Variants in DPYD observed in about 807,000 individuals in gnomAD.
DPYD encodes the protein dihydropyrimidine dehydrogenase [NADP(+)].
Under a neutral mutation model 116.2 loss-of-function variants are expected in DPYD, and 109 were observed. That is an observed-to-expected ratio of 0.94 (90% CI 0.80 to 1.10). The LOEUF is 1.10. Among genes scored for constraint, DPYD ranks in the 50% least tolerant of loss-of-function variants. The pLI is 0.00. For missense variants in DPYD, 1,302 were observed against 1,254.5 expected (o/e 1.04, Z -0.57); for synonymous variants, 440 against 432.0 (o/e 1.02, Z -0.23).
Position 97,699,368 on chromosome 1 carries a change from T to C in DPYD, c.663A>G (p.Glu221=). The C allele has an allele frequency of 1.2e-6, 2 of 1,613,506 alleles. No individual in the cohort carries two copies. The highest frequency in any genetic ancestry group is 2.2e-5 in the South Asian group (2 of 91,076). The change falls in exon 6 of 23, where the codon GAA becomes GAG. Residue 221 remains glutamate (E), a synonymous_variant. Transcript: ENST00000370192. The part of the protein sequence containing the change: ...YSDITIFEKQ[E]YVGGLSTSEI... ...GGCATTACCTTAAACCACCAACATA[T>C]TCTTGTTTTTCAAATATAGTGATGT...
chr1:97,880,785 A>T (rs1310578525), intron 2 of DPYD, among the ~76,000 whole-genome samples: 1 of 152,020 alleles, frequency 6.6e-6, no homozygotes, highest in East Asian at 1.9e-4. Flanking sequence ...AAGTGTACAC[A>T]ATCACTATTG....
At chr1:97,747,025 T>G (rs1271810784) in intron 3 of DPYD, among the ~76,000 whole-genome samples, 1 of 151,886 alleles carries the variant, frequency 6.6e-6, no homozygotes, top group African/African-American at 2.4e-5. Flanking sequence ...GGTTGCAGCA[T>G]GAAGGAAAAG....
chr1:97,161,343 C>T (rs959171562), intron 20 of DPYD, among the ~76,000 whole-genome samples: 1 of 152,086 alleles, frequency 6.6e-6, no homozygotes, highest in Admixed American at 6.6e-5. Flanking sequence ...TGGGGCAATG[C>T]AACCCATCAT....
At chr1:97,661,940 A>T (rs1005484317) in intron 8 of DPYD, among the ~76,000 whole-genome samples, 3 of 151,506 alleles carry the variant, frequency 2.0e-5, no homozygotes, top group East Asian at 1.9e-4. Context: ...GTTTTATTTT[A>T]AAAAGTATAT....
chr1:97,849,583 A>T (rs1283428565), intron 2 of DPYD, among the ~76,000 whole-genome samples: 3 of 152,114 alleles, frequency 2.0e-5, no homozygotes, highest in East Asian at 3.9e-4. Flanking sequence ...AAACTGACAG[A>T]GCCTAGATGT....
chr1:97,913,138 G>A (rs1674047069), intron 1 of DPYD, among the ~76,000 whole-genome samples: 2 of 152,012 alleles, frequency 1.3e-5, no homozygotes, highest in South Asian at 4.2e-4. Flanking sequence ...GCCATATATA[G>A]TACGATTGAA....
intron 16 of DPYD, among the ~76,000 whole-genome samples, chr1:97,351,403 CA>C (rs1202220716): frequency 1.3e-5 from 2 of 151,680 alleles, no homozygotes; most frequent in Non-Finnish European, 2.9e-5. Flanking sequence ...TTAAAAGAAC[CA>C]ATGTTTCTTT....
rs1423397045 is a variant in DPYD at position 97,699,417 on chromosome 1, A to G, written c.614T>C (p.Phe205Ser). 6.2e-7 allele frequency: 1 copy of G among 1,613,776 alleles called. No homozygotes were observed. Among genetic ancestry groups the G allele is most frequent in the African/African-American group, 1.3e-5 (1 of 75,016 alleles). Residue 205 changes from phenylalanine (F) to serine (S), a missense_variant, in exon 6 of 23, where the codon TTT becomes TCT. Transcript: ENST00000370192. ...AGPASISCAS[F>S]LARLGYSDIT... The stretch of plus-strand genomic sequence containing the variant: ...GTCAGAGTACCCCAATCGAGCCAAA[A>G]AGGAAGCACAACTTATACTTGCAGG...
At chr1:97,673,482 T>G (rs754692037) in intron 8 of DPYD, among the ~76,000 whole-genome samples, 1 of 151,908 alleles carries the variant, frequency 6.6e-6, no homozygotes, top group African/African-American at 2.4e-5. Context: ...GTCAAAAGAG[T>G]TGCATTTTAA....
At chr1:97,262,702 A>G (rs900186044) in intron 18 of DPYD, among the ~76,000 whole-genome samples, 13 of 151,948 alleles carry the variant, frequency 8.6e-5, no homozygotes, top group Non-Finnish European at 1.5e-4. Context: ...AATTCTTCTT[A>G]TTTCTTTTTC....
chr1:97,202,379 G>C (rs1659268889), intron 19 of DPYD, among the ~76,000 whole-genome samples: 1 of 151,968 alleles, frequency 6.6e-6, no homozygotes, highest in South Asian at 2.1e-4. Flanking sequence ...CCTCCAATTA[G>C]GAAGGAACTT....
chr1:97,854,793 C>T (rs1015799904), intron 2 of DPYD, among the ~76,000 whole-genome samples: 4 of 152,118 alleles, frequency 2.6e-5, no homozygotes, highest in Admixed American at 2.6e-4. Flanking sequence ...AAAGAGGGTA[C>T]AGGGTCAGGA....
At chr1:97,661,165 T>G (rs775948436) in intron 8 of DPYD, among the ~76,000 whole-genome samples, 29 of 152,182 alleles carry the variant, frequency 1.9e-4, no homozygotes, top group Non-Finnish European at 2.4e-4. Context: ...AAATATATGC[T>G]CATTTGATTT....
Position 97,098,525 on chromosome 1 carries a change from G to A in DPYD, c.2730C>T (p.Asn910=). 6.2e-7 allele frequency: 1 copy of A among 1,613,062 alleles called. No individual in the cohort carries two copies. Residue 910 remains asparagine, a synonymous_variant, in exon 21 of 23, where the codon AAC becomes AAT. Transcript: ENST00000370192. ...QNVAFSPLKR[N]CFIPKRPIPT... is the part of the protein sequence containing the mutation. ...GAATAGGCCTTTTGGGGATAAAACA[G>A]TTTCTCTTAAGTGGTGAAAAAGCTA...
chr1:97,623,532 T>A (rs1656748695), intron 8 of DPYD, among the ~76,000 whole-genome samples: 1 of 152,046 alleles, frequency 6.6e-6, no homozygotes. Flanking sequence ...AAAGTCATAA[T>A]ATAATGAAAA....
chr1:97,650,788 G>A (rs987849567), intron 8 of DPYD, among the ~76,000 whole-genome samples: 2 of 151,656 alleles, frequency 1.3e-5, no homozygotes, highest in Non-Finnish European at 2.9e-5. Flanking sequence ...CAGTTTACTT[G>A]TTCCTTGAAA....
intron 4 of DPYD, among the ~76,000 whole-genome samples, chr1:97,732,428 T>C (rs1407368888): frequency 6.6e-6 from 1 of 150,880 alleles, no homozygotes; most frequent in Non-Finnish European, 1.5e-5. Context: ...TGAGCCGAGA[T>C]TGTGCCACTG....
intron 14 of DPYD, among the ~76,000 whole-genome samples, chr1:97,393,342 G>A (rs904822346): frequency 3.3e-5 from 5 of 151,156 alleles, no homozygotes; most frequent in African/African-American, 9.7e-5. Context: ...TGTTCACAAC[G>A]TTCAGGTTTG....
chr1:97,811,471 C>A (rs1310687913), intron 3 of DPYD, among the ~76,000 whole-genome samples: 2 of 151,996 alleles, frequency 1.3e-5, no homozygotes, highest in Admixed American at 6.6e-5. Flanking sequence ...CTAGAGTCAT[C>A]CCTTAGATAT....
Sources: allele counts gnomAD v4.1 joint callset (sites outside exome capture counted in the v4.1 genomes callset), GRCh38; gene constraint gnomAD v4.1.1; transcripts MANE v1.5; gene names NCBI Gene and HGNC (gene_info 2026-07-23, HGNC 2026-07-21).